Variants in SEMA3D observed in about 807,000 individuals in gnomAD.
The protein encoded by SEMA3D is semaphorin-3D.
SEMA3D carries 84 observed loss-of-function variants against 100.1 expected under a neutral mutation model. The observed-to-expected ratio is 0.84, with a 90% CI of 0.70 to 1.01. SEMA3D has a LOEUF of 1.01. Ranked by LOEUF, SEMA3D falls within the 50% of genes least tolerant of loss-of-function variation. The pLI is 0.00. For synonymous variants in SEMA3D, 312 were observed against 320.7 expected (o/e 0.97, Z 0.29); for missense variants, 875 against 934.1 (o/e 0.94, Z 0.82).
Position 85,183,981 on chromosome 7 carries a change from T to C in SEMA3D, c.-173+2697A>G, listed in dbSNP as rs115911114. Among the ~76,000 whole-genome samples the C allele has an allele frequency of 9.6e-3, 1,463 of 152,322 alleles. 25 individuals carry two copies. Among genetic ancestry groups the C allele is most frequent in the African/African-American group, 0.033 (1,370 of 41,578 alleles). On this transcript the variant is annotated intron_variant, in intron 1 of 18. Transcript: ENST00000284136. ...GGGATTTCTGTTTGATAAATTCTTT[T>C]TCTTTTTTTTTTCCTTTACGGACAT...
At chr7:85,119,539 A>G (rs1216304182) in intron 3 of SEMA3D, among the ~76,000 whole-genome samples, 1 of 152,156 alleles carries the variant, frequency 6.6e-6, no homozygotes, top group Non-Finnish European at 1.5e-5. Flanking sequence ...ACTCTCACTT[A>G]TAAGTGGGAA....
In SEMA3D at chr7:85,180,930, G is replaced by A. The variant is rs184728925; in HGVS notation, c.-173+5748C>T. ...ATGACTTTCTTTGTTTTTGAAGACA[G>A]GTGTGAAGATTACTGATCAGGTATT... On this transcript the variant is annotated intron_variant, in intron 1 of 18. Transcript: ENST00000284136. 4.6e-3 allele frequency among the ~76,000 whole-genome samples: 703 copies of A among 152,236 alleles called. 2 individuals carry two copies. Among genetic ancestry groups the A allele is most frequent in the African/African-American group, 0.016 (677 of 41,554 alleles).
chr7:85,126,723 G>T (rs1350829447), intron 2 of SEMA3D, among the ~76,000 whole-genome samples: 1 of 151,916 alleles, frequency 6.6e-6, no homozygotes, highest in African/African-American at 2.4e-5. Context: ...GCATGGCTGT[G>T]GACAGCACAA....
rs200487268 is a variant in SEMA3D, at chr7:85,069,661, T to TGGA, written c.496-1380_496-1378dup. 8.3e-3 allele frequency among the ~76,000 whole-genome samples: 1,266 copies of TGGA among 152,242 alleles called. 17 individuals are homozygous for TGGA. The highest frequency in any genetic ancestry group is 0.029 in the African/African-American group (1,184 of 41,536). ...AAAGCACCTGTCTGAGCTACACAGA[T>TGGA]GGAAATATGGGCAGAGAAGTAAAGA... On this transcript the variant is annotated intron_variant, in intron 6 of 18. Coordinates refer to ENST00000284136, the MANE Select transcript of SEMA3D (RefSeq NM_001384900.1).
At chr7:85,151,584 T>C (rs1455317401) in intron 2 of SEMA3D, 1 of 917,802 alleles carries the variant, frequency 1.1e-6, no homozygotes, top group African/African-American at 2.1e-5. Context: ...GATGTGTGTA[T>C]GCATGTGTGT....
At chr7:85,005,530 ATTC>A (rs1394000149) in intron 18 of SEMA3D, among the ~76,000 whole-genome samples, 1 of 152,074 alleles carries the variant, frequency 6.6e-6, no homozygotes, top group Non-Finnish European at 1.5e-5. Flanking sequence ...AGAAAAAGTT[ATTC>A]TTGTAGCTGT....
At chr7:85,133,121 T>C (rs1335693783) in intron 2 of SEMA3D, among the ~76,000 whole-genome samples, 2 of 151,970 alleles carry the variant, frequency 1.3e-5, no homozygotes, top group African/African-American at 4.8e-5. Context: ...TGTAGATATG[T>C]TTTCTTTCTT....
chr7:85,191,824 T>A (rs1306604432), upstream of SEMA3D, among the ~76,000 whole-genome samples: 3 of 152,108 alleles, frequency 2.0e-5, no homozygotes, highest in Non-Finnish European at 2.9e-5. Flanking sequence ...ACCCATAAAT[T>A]TATATAGATA....
Position 85,133,210 on chromosome 7 carries a change from C to A in SEMA3D, c.-40-11279G>T, listed in dbSNP as rs563067733. Among the ~76,000 whole-genome samples the A allele has an allele frequency of 1.1e-4, 16 of 152,044 alleles. No individual in the cohort carries two copies. The South Asian group carries it at 1.9e-3, about 18-fold the overall frequency. The stretch of plus-strand genomic sequence containing the variant: ...TCTAATTTCCCCTCCACCCTTATCG[C>A]CCTCCTTATCTAGTTCTCTATCAAC... On this transcript the variant is annotated intron_variant, in intron 2 of 18. Transcript: ENST00000284136.
chr7:85,196,839 A>C, the SEMA3D span, among the ~76,000 whole-genome samples: 1 of 152,212 alleles, frequency 6.6e-6, no homozygotes, highest in Non-Finnish European at 1.5e-5. Context: ...ACAAAATGCC[A>C]ATAGTTACTG....
At chr7:85,140,566 CAG>C (rs1234245370) in intron 2 of SEMA3D, 1 of 974,060 alleles carries the variant, frequency 1.0e-6, no homozygotes, top group African/African-American at 1.8e-5. Context: ...CATTTTATAG[CAG>C]AGTTTTATCT....
intron 1 of SEMA3D, among the ~76,000 whole-genome samples, chr7:85,165,012 C>G (rs1234562328): frequency 1.5e-5 from 2 of 130,892 alleles, no homozygotes; most frequent in Non-Finnish European, 3.2e-5. Flanking sequence ...CACCCCACAA[C>G]AGTCCCCAGT....
Position 84,999,279 on chromosome 7 carries a change from G to T in SEMA3D, c.*161C>A. The T allele has an allele frequency of 3.4e-6, 2 of 594,120 alleles. No individual in the cohort carries two copies. The highest frequency in any genetic ancestry group is 2.8e-5 in the East Asian group (1 of 35,722). 36.8% of individuals were successfully genotyped at this position (594,120 alleles called of 1,614,324 possible). ...GAAAACTGGTTCAAATGAATTTTTTGCCCTTTCTTATATTCATCACATATT... is the reference window on the plus strand; with the variant it reads ...GAAAACTGGTTCAAATGAATTTTTTTCCCTTTCTTATATTCATCACATATT... On this transcript the variant is annotated 3_prime_UTR_variant, in exon 19 of 19. Coordinates refer to ENST00000284136, the MANE Select transcript of SEMA3D (RefSeq NM_001384900.1).
At chr7:85,128,181 T>G (rs1264271325) in intron 2 of SEMA3D, among the ~76,000 whole-genome samples, 1 of 151,982 alleles carries the variant, frequency 6.6e-6, no homozygotes, top group East Asian at 1.9e-4. Context: ...TTTTATTTTA[T>G]TTTTGAGGCA....
chr7:85,165,975 A>G (rs1790894145), intron 1 of SEMA3D, among the ~76,000 whole-genome samples: 1 of 152,072 alleles, frequency 6.6e-6, no homozygotes, highest in Non-Finnish European at 1.5e-5. Flanking sequence ...ATTCCTAACA[A>G]AATTATATAA....
At chr7:85,205,606 A>G in the SEMA3D span, among the ~76,000 whole-genome samples, 6 of 151,938 alleles carry the variant, frequency 3.9e-5, no homozygotes, top group Non-Finnish European at 8.8e-5. Context: ...CTCTTGGATT[A>G]AAAAAAATCA....
At chr7:85,245,917 AT>A in the SEMA3D span, among the ~76,000 whole-genome samples, 1 of 152,114 alleles carries the variant, frequency 6.6e-6, no homozygotes, top group Non-Finnish European at 1.5e-5. Flanking sequence ...GATTGGAAGA[AT>A]AAAAGATAAA....
chr7:85,061,443 T>A (rs1292849807), intron 8 of SEMA3D, among the ~76,000 whole-genome samples: 1 of 152,160 alleles, frequency 6.6e-6, no homozygotes, highest in Admixed American at 6.5e-5. Flanking sequence ...AGTGCTTCGG[T>A]GATAAAAATG....
At chr7:85,118,057 C>T (rs987384512) in intron 3 of SEMA3D, among the ~76,000 whole-genome samples, 6 of 151,894 alleles carry the variant, frequency 4.0e-5, no homozygotes, top group African/African-American at 1.4e-4. Flanking sequence ...CATGTAAAAA[C>T]TCAGGTGTTC....
Sources: allele counts gnomAD v4.1 joint callset (sites outside exome capture counted in the v4.1 genomes callset), GRCh38; gene constraint gnomAD v4.1.1; transcripts MANE v1.5; gene names NCBI Gene and HGNC (gene_info 2026-07-23, HGNC 2026-07-21).